The following ARHGEF3 variants were observed in gnomAD, a reference collection of about 807,000 sequenced individuals.
ARHGEF3 encodes the protein 59.8 kDA protein.
ARHGEF3 carries 28 observed loss-of-function variants against 63.2 expected under a neutral mutation model. The observed-to-expected ratio is 0.44, with a 90% CI of 0.33 to 0.61. The LOEUF is 0.61. Among genes scored for constraint, ARHGEF3 ranks in the 20% least tolerant of loss-of-function variants. ARHGEF3 has a pLI of 0.03. For missense variants in ARHGEF3, 533 were observed against 659.3 expected, an observed-to-expected ratio of 0.81 and a Z score of 2.10; for synonymous variants, 266 against 254.2, an observed-to-expected ratio of 1.05 and a Z score of -0.44.
chr3:56,938,564 G>A (rs1342168294), intron 3 of ARHGEF3: 1 of 152,172 alleles, frequency 6.6e-6, no homozygotes, highest in Non-Finnish European at 1.5e-5. Flanking sequence ...ATATGCATGA[G>A]ACTTACAAGG....
At chr3:56,784,271 G>C (rs539778623) in intron 1 of ARHGEF3, among the ~76,000 whole-genome samples, 1 of 152,196 alleles carries the variant, frequency 6.6e-6, no homozygotes, top group African/African-American at 2.4e-5. Flanking sequence ...CCATGGGCCC[G>C]GAGGATGTTT....
intron 4 of ARHGEF3, among the ~76,000 whole-genome samples, chr3:56,813,375 C>T (rs1393742678): frequency 2.0e-5 from 3 of 152,144 alleles, no homozygotes; most frequent in Admixed American, 1.3e-4. Context: ...AGGTTTTCCA[C>T]ATGTTAGGCA....
intron 2 of ARHGEF3, among the ~76,000 whole-genome samples, chr3:56,757,739 T>G (rs2035161375): frequency 6.6e-6 from 1 of 151,674 alleles, no homozygotes; most frequent in South Asian, 2.1e-4. Flanking sequence ...TTTTTTTGTT[T>G]TGAGATGGAG....
chr3:56,946,181 A>T (rs1461011494), intron 3 of ARHGEF3, among the ~76,000 whole-genome samples: 1 of 152,178 alleles, frequency 6.6e-6, no homozygotes, highest in African/African-American at 2.4e-5. Flanking sequence ...ATGGGGAAAA[A>T]ACAGAGCAGA....
chr3:57,019,456 G>A (rs567374938), intron 2 of ARHGEF3, among the ~76,000 whole-genome samples: 1 of 152,162 alleles, frequency 6.6e-6, no homozygotes, highest in East Asian at 1.9e-4. Flanking sequence ...GAAAGAAAGG[G>A]GGCTCGAAAG....
Position 56,890,935 on chromosome 3 carries a change from T to A in ARHGEF3, c.130-8581A>T, listed in dbSNP as rs117659171. Among the ~76,000 whole-genome samples the A allele has an allele frequency of 5.1e-4, 78 of 152,358 alleles. No homozygotes were observed. In the East Asian group the frequency reaches 0.014, roughly 28 times the overall value. On this transcript the variant is annotated intron_variant, in intron 3 of 12. Transcript: ENST00000338458. ...CCAGATCTCGAACCTTTTTGATTTA[T>A]CTCTTTGCTGGCAAACAACTTTGGT...
At chr3:56,970,267 T>G (rs1476280200) in intron 2 of ARHGEF3, among the ~76,000 whole-genome samples, 1 of 151,954 alleles carries the variant, frequency 6.6e-6, no homozygotes, top group Non-Finnish European at 1.5e-5. Context: ...AAAGTGAGGG[T>G]GAAATAAAAA....
intron 2 of ARHGEF3, among the ~76,000 whole-genome samples, chr3:57,027,031 G>A (rs1703506055): frequency 6.6e-6 from 1 of 152,180 alleles, no homozygotes; most frequent in African/African-American, 2.4e-5. Flanking sequence ...GAAGTAGAGG[G>A]CATGCATTCT....
chr3:56,924,581 C>G, intron 3 of ARHGEF3, among the ~76,000 whole-genome samples: 1 of 152,208 alleles, frequency 6.6e-6, no homozygotes, highest in South Asian at 2.1e-4. Context: ...ATATGTTAAA[C>G]AAGAGGTGGA....
intron 2 of ARHGEF3, among the ~76,000 whole-genome samples, chr3:57,023,736 A>G (rs1412289592): frequency 6.6e-6 from 1 of 152,074 alleles, no homozygotes; most frequent in Non-Finnish European, 1.5e-5. Flanking sequence ...TTTGCTCTTT[A>G]CCTGGCTATC....
intron 3 of ARHGEF3, among the ~76,000 whole-genome samples, chr3:56,912,663 T>C (rs1392652513): frequency 6.6e-6 from 1 of 152,240 alleles, no homozygotes; most frequent in East Asian, 1.9e-4. Context: ...ATGTAAGTTA[T>C]TATCGTATTA....
In ARHGEF3 at chr3:56,743,461, C is replaced by A. The variant is rs2034177743; in HGVS notation, c.870+1744G>T. Among the ~76,000 whole-genome samples the A allele has an allele frequency of 2.0e-5, 3 of 152,196 alleles. No homozygotes were observed. In the South Asian group the frequency reaches 6.2e-4, roughly 32 times the overall value. ...GACAGGGTTTGAACATCAACTGCAT[C>A]ACTTGCTGGCTGTGGACCTGGGCAA... On this transcript the variant is annotated intron_variant, in intron 7 of 9. Transcript: ENST00000296315.
At chr3:57,028,260 T>C (rs1354492611) in intron 2 of ARHGEF3, among the ~76,000 whole-genome samples, 17 of 107,042 alleles carry the variant, frequency 1.6e-4, no homozygotes, top group African/African-American at 4.8e-4. Context: ...TATTGCAGCA[T>C]TATTCACAAT....
intron 1 of ARHGEF3, among the ~76,000 whole-genome samples, chr3:57,047,780 T>G (rs1256300160): frequency 2.0e-5 from 3 of 152,046 alleles, no homozygotes; most frequent in African/African-American, 7.2e-5. Context: ...GAGACCTCTG[T>G]TGGAATGAAG....
chr3:56,919,681 T>C (rs976955658), intron 3 of ARHGEF3, among the ~76,000 whole-genome samples: 1 of 152,238 alleles, frequency 6.6e-6, no homozygotes, highest in Non-Finnish European at 1.5e-5. Flanking sequence ...CAGCCACAAT[T>C]ACTGAAACCA....
chr3:56,843,643 C>T (rs960976475), intron 4 of ARHGEF3, among the ~76,000 whole-genome samples: 1 of 152,116 alleles, frequency 6.6e-6, no homozygotes. Context: ...TCTTTCTTTC[C>T]TTTTCTTTTT....
In ARHGEF3 at chr3:56,864,530, T is replaced by C. The variant is rs377359721; in HGVS notation, c.192+17762A>G. The stretch of plus-strand genomic sequence containing the variant: ...TCAAAGCTTTTGTTTTCATTTGTTA[T>C]TATATTCTTGTTACGGTGATTATTA... On this transcript the variant is annotated intron_variant, in intron 4 of 12. Coordinates refer to the ARHGEF3 transcript ENST00000338458. 3.9e-5 allele frequency among the ~76,000 whole-genome samples: 6 copies of C among 152,352 alleles called. No homozygotes were observed. In the East Asian group the frequency reaches 9.6e-4, roughly 24 times the overall value.
intron 3 of ARHGEF3, among the ~76,000 whole-genome samples, chr3:56,905,278 CT>C (rs2041646770): frequency 6.6e-6 from 1 of 152,146 alleles, no homozygotes; most frequent in Admixed American, 6.5e-5. Flanking sequence ...CCAGCCATCG[CT>C]TCCTTCTGCA....
intron 2 of ARHGEF3, among the ~76,000 whole-genome samples, chr3:57,002,214 A>G (rs1388501606): frequency 1.3e-5 from 2 of 151,124 alleles, no homozygotes; most frequent in East Asian, 1.9e-4. Context: ...CCCGGCTGAC[A>G]TAGTATTTTT....
Sources: allele counts gnomAD v4.1 joint callset (sites outside exome capture counted in the v4.1 genomes callset), GRCh38; gene constraint gnomAD v4.1.1; transcripts MANE v1.5; gene names NCBI Gene and HGNC (gene_info 2026-07-23, HGNC 2026-07-21).